Variants in UVRAG observed in about 807,000 individuals in gnomAD.
The protein encoded by UVRAG is UV radiation resistance-associated gene protein.
Under a neutral mutation model 78.0 loss-of-function variants are expected in UVRAG, and 19 were observed. The observed-to-expected ratio is 0.24, with a 90% CI of 0.17 to 0.36. The LOEUF is 0.36. Ranked by LOEUF, UVRAG falls within the 10% of genes least tolerant of loss-of-function variation. UVRAG has a pLI of 1.00. For synonymous variants in UVRAG, 323 were observed against 324.6 expected (o/e 1.00, Z 0.05); for missense variants, 740 against 853.8 (o/e 0.87, Z 1.66).
chr11:76,107,385 C>G (rs967337042), intron 13 of UVRAG, among the ~76,000 whole-genome samples: 1 of 152,152 alleles, frequency 6.6e-6, no homozygotes, highest in Non-Finnish European at 1.5e-5. Context: ...CCATTCAGCT[C>G]TAGTATTAAT....
At chr11:76,070,535 CATGT>C (rs1951283068) in intron 13 of UVRAG, among the ~76,000 whole-genome samples, 1 of 152,120 alleles carries the variant, frequency 6.6e-6, no homozygotes, top group South Asian at 2.1e-4. Context: ...ATCAAAACAT[CATGT>C]ATACCTTCAA....
At chr11:75,951,340 T>C (rs1000061735) in intron 6 of UVRAG, among the ~76,000 whole-genome samples, 44 of 148,362 alleles carry the variant, frequency 3.0e-4, no homozygotes, top group Non-Finnish European at 4.6e-4. Context: ...TGTGTGTGTG[T>C]GTGTGTGTGT....
At chr11:75,946,554 T>C (rs1324779524) in intron 6 of UVRAG, among the ~76,000 whole-genome samples, 1 of 152,250 alleles carries the variant, frequency 6.6e-6, no homozygotes, top group Non-Finnish European at 1.5e-5. Context: ...TATGGTCTCA[T>C]GAGGCTGAAA....
At chr11:75,895,917 C>T (rs1426283078) in intron 5 of UVRAG, among the ~76,000 whole-genome samples, 2 of 152,064 alleles carry the variant, frequency 1.3e-5, no homozygotes, top group Non-Finnish European at 2.9e-5. Context: ...CTACTACAAG[C>T]CTATTATTAA....
chr11:75,851,651 T>C (rs556321553), intron 1 of UVRAG, among the ~76,000 whole-genome samples: 1 of 152,352 alleles, frequency 6.6e-6, no homozygotes, highest in East Asian at 1.9e-4. Flanking sequence ...AAATATTTCA[T>C]GTCTGTTGTC....
intron 12 of UVRAG, among the ~76,000 whole-genome samples, chr11:76,053,968 CA>C (rs11390273): frequency 1.8e-3 from 222 of 123,612 alleles, no homozygotes; most frequent in African/African-American, 5.6e-3. Context: ...GACTCCATCT[CA>C]AAAAAAAAAA....
intron 3 of UVRAG, among the ~76,000 whole-genome samples, chr11:75,869,570 C>CA (rs1946606483): frequency 6.6e-6 from 1 of 152,026 alleles, no homozygotes. Context: ...TGAAGGGAGA[C>CA]AGAGATAATC....
Position 76,054,865 on chromosome 11 carries a change from T to C in UVRAG, c.1227-10845T>C, listed in dbSNP as rs115722332. 9.4e-3 allele frequency among the ~76,000 whole-genome samples: 1,428 copies of C among 152,342 alleles called. 22 individuals are homozygous for C. Among genetic ancestry groups the C allele is most frequent in the African/African-American group, 0.033 (1,360 of 41,590 alleles). Reference sequence around the variant, plus strand: ...TCACAAGGTGATGATGCAGTAACTATTGCTAAACAAGTGAATGAAGAATAG... The same window carrying C: ...TCACAAGGTGATGATGCAGTAACTACTGCTAAACAAGTGAATGAAGAATAG... On this transcript the variant is annotated intron_variant, in intron 12 of 14. Transcript: ENST00000356136.
intron 3 of UVRAG, among the ~76,000 whole-genome samples, chr11:75,876,471 TGCCCCTATTTAGCAGG>T (rs540518300): frequency 5.4e-4 from 82 of 152,362 alleles, no homozygotes; most frequent in African/African-American, 1.9e-3. Context: ...ATTGAAACTC[TGCCCCTATTTAGCAGG>T]GCTGCTAAAA....
At chr11:75,980,717 C>CCCT (rs1211469487) in intron 7 of UVRAG, among the ~76,000 whole-genome samples, 1 of 146,934 alleles carries the variant, frequency 6.8e-6, no homozygotes, top group Non-Finnish European at 1.5e-5. Flanking sequence ...GTTTCACTCT[C>CCCT]GTTGCCCAGG....
At chr11:75,991,910 A>G (rs1405326086) in intron 8 of UVRAG, among the ~76,000 whole-genome samples, 2 of 152,106 alleles carry the variant, frequency 1.3e-5, no homozygotes, top group Admixed American at 6.6e-5. Context: ...ATGAGCTTGT[A>G]TTTATATTTT....
chr11:75,960,925 T>C (rs766903002), intron 6 of UVRAG, among the ~76,000 whole-genome samples: 2 of 152,202 alleles, frequency 1.3e-5, no homozygotes, highest in Non-Finnish European at 2.9e-5. Context: ...AGTATTTAAT[T>C]CCTCCTATTA....
intron 1 of UVRAG, among the ~76,000 whole-genome samples, 160 bp downstream of exon 1, chr11:75,815,684 G>A (rs998518565): frequency 7.2e-5 from 11 of 152,270 alleles, no homozygotes; most frequent in Non-Finnish European, 1.5e-4. Context: ...TGCGGGGAGG[G>A]GTCCAGTGAT....
chr11:75,922,976 A>ATATATATG (rs1565381349), intron 6 of UVRAG, among the ~76,000 whole-genome samples: 1 of 146,330 alleles, frequency 6.8e-6, no homozygotes, highest in African/African-American at 2.5e-5. Flanking sequence ...TATATATAAG[A>ATATATATG]AAAAAATATA....
rs770629006 is a variant in UVRAG at position 75,961,535 on chromosome 11, A to G, written c.685A>G (p.Thr229Ala). 8.7e-6 allele frequency: 14 copies of G among 1,602,730 alleles called. No homozygotes were observed. The highest frequency in any genetic ancestry group is 1.8e-5 in the Admixed American group (1 of 56,404). Residue 229 changes from threonine to alanine, a missense_variant, in exon 7 of 15, where the codon ACA becomes GCA. Coordinates refer to ENST00000356136, the MANE Select transcript of UVRAG (RefSeq NM_003369.4). Reference protein sequence around the residue: ...EIEEKLRLTSTSNELKKKSEC... With the variant: ...EIEEKLRLTSASNELKKKSEC... Reference sequence around the variant, plus strand: ...TGAAGAAAAACTAAGACTCACATCTACAAGCAATGAACTGGTAGGTTTTTA... The same window carrying G: ...TGAAGAAAAACTAAGACTCACATCTGCAAGCAATGAACTGGTAGGTTTTTA...
chr11:75,931,666 C>G (rs1281927799), intron 6 of UVRAG, among the ~76,000 whole-genome samples: 1 of 152,124 alleles, frequency 6.6e-6, no homozygotes, highest in African/African-American at 2.4e-5. Flanking sequence ...TGATGGTTAT[C>G]ATTAAAACAT....
chr11:75,911,883 A>C, intron 5 of UVRAG, 71 bp from the exon 6 acceptor site: 1 of 1,047,842 alleles, frequency 9.5e-7, no homozygotes, highest in Non-Finnish European at 1.4e-6. Flanking sequence ...TTAAAAAGAC[A>C]AGCATGATTA....
intron 6 of UVRAG, among the ~76,000 whole-genome samples, chr11:75,924,834 T>C (rs554475711): frequency 1.7e-3 from 262 of 152,302 alleles, no homozygotes; most frequent in Middle Eastern, 6.8e-3. Context: ...ACTGAATGTT[T>C]AATAGAGAAT....
intron 1 of UVRAG, among the ~76,000 whole-genome samples, chr11:75,824,462 C>T: frequency 6.6e-6 from 1 of 150,714 alleles, no homozygotes; most frequent in East Asian, 1.9e-4. Flanking sequence ...TACAGGATCA[C>T]AATTCTTTGT....
Sources: gnomAD v4.1 joint callset for allele counts (sites outside exome capture counted in the v4.1 genomes callset) on GRCh38, gnomAD v4.1.1 for gene constraint, MANE v1.5 for transcripts, NCBI Gene and HGNC (gene_info 2026-07-23, HGNC 2026-07-21) for gene names.